The following UST variants were observed in gnomAD, a reference collection of about 807,000 sequenced individuals.
The protein encoded by UST is chondroitin sulfate 2-O-sulfotransferase.
In UST, 21 loss-of-function variants were observed where a neutral mutation model predicts 45.6. That is an observed-to-expected ratio of 0.46 (90% CI 0.33 to 0.66). The LOEUF is 0.66. Among genes scored for constraint, UST ranks in the 30% least tolerant of loss-of-function variants. UST has a pLI of 0.02. For synonymous variants in UST, 215 were observed against 200.6 expected, an observed-to-expected ratio of 1.07 and a Z score of -0.61; for missense variants, 463 against 512.4, an observed-to-expected ratio of 0.90 and a Z score of 0.93.
intron 5 of UST, among the ~76,000 whole-genome samples, chr6:149,009,992 A>G (rs1455053930): frequency 6.6e-6 from 1 of 151,460 alleles, no homozygotes; most frequent in Non-Finnish European, 1.5e-5. Flanking sequence ...TTTTCTTCCC[A>G]TCTATCTTTA....
At chr6:148,754,772 T>G (rs548537149) in intron 1 of UST, among the ~76,000 whole-genome samples, 3 of 152,344 alleles carry the variant, frequency 2.0e-5, no homozygotes, top group South Asian at 2.1e-4. Context: ...GGTGTTCACC[T>G]TATCAAGGAG....
intron 7 of UST, among the ~76,000 whole-genome samples, chr6:149,043,348 C>T (rs1477804322): frequency 6.6e-6 from 1 of 152,132 alleles, no homozygotes; most frequent in Non-Finnish European, 1.5e-5. Flanking sequence ...TGGGTTCAAG[C>T]ATTCCACCCA....
intron 7 of UST, among the ~76,000 whole-genome samples, chr6:149,043,027 TTC>T (rs756167002): frequency 0.011 from 1,382 of 120,600 alleles, 7 homozygotes; most frequent in African/African-American, 0.03. Context: ...TTCTTTTTCT[TTC>T]TTTCTTTCTT....
intron 1 of UST, among the ~76,000 whole-genome samples, chr6:148,877,410 TGCGGGG>T (rs1387570034): frequency 1.4e-3 from 22 of 15,442 alleles, no homozygotes; most frequent in African/African-American, 7.9e-3. Flanking sequence ...CGTGTATGAG[TGCGGGG>T]GTCGTGTATG....
intron 1 of UST, among the ~76,000 whole-genome samples, chr6:148,777,017 G>C (rs1160549238): frequency 1.3e-5 from 2 of 152,178 alleles, no homozygotes; most frequent in Admixed American, 1.3e-4. Context: ...ATTCTAACAG[G>C]CAGTAAATTC....
intron 1 of UST, among the ~76,000 whole-genome samples, chr6:148,792,840 CT>C (rs1776877085): frequency 6.6e-6 from 1 of 152,186 alleles, no homozygotes; most frequent in Admixed American, 6.5e-5. Context: ...GCAAAACTTC[CT>C]CCTGGGGATA....
intron 1 of UST, among the ~76,000 whole-genome samples, chr6:148,864,485 A>C (rs1374814924): frequency 1.3e-5 from 2 of 152,196 alleles, no homozygotes; most frequent in East Asian, 3.8e-4. Flanking sequence ...GCTTCGGCTC[A>C]TGCTCCATGG....
intron 5 of UST, chr6:149,005,613 C>T: frequency 2.0e-6 from 2 of 985,140 alleles, no homozygotes; most frequent in Non-Finnish European, 2.4e-6. Context: ...CTTCTTCTCT[C>T]CCTCCCTCTC....
intron 5 of UST, among the ~76,000 whole-genome samples, chr6:149,010,909 A>AAAAAAAAAAAC (rs1775797841): frequency 6.7e-6 from 1 of 149,122 alleles, no homozygotes; most frequent in Admixed American, 6.7e-5. Context: ...AAAAAAAAAA[A>AAAAAAAAAAAC]AAAAAAAAAA....
intron 1 of UST, among the ~76,000 whole-genome samples, chr6:148,855,304 G>T (rs1332948520): frequency 6.6e-6 from 1 of 152,156 alleles, no homozygotes; most frequent in Non-Finnish European, 1.5e-5. Flanking sequence ...TACTTGCCTC[G>T]CCGGGGATTT....
intron 1 of UST, among the ~76,000 whole-genome samples, chr6:148,754,276 A>G (rs549518259): frequency 4.5e-4 from 69 of 152,250 alleles, no homozygotes; most frequent in Admixed American, 1.3e-3. Flanking sequence ...GATTACAGGC[A>G]TGAGCCACCG....
intron 1 of UST, among the ~76,000 whole-genome samples, chr6:148,825,634 G>A (rs545340285): frequency 1.2e-4 from 18 of 152,114 alleles, no homozygotes; most frequent in Non-Finnish European, 2.2e-4. Context: ...ATCTTTCCAC[G>A]GATCTGCTGG....
chr6:148,919,055 T>C (rs1252116588), intron 2 of UST, among the ~76,000 whole-genome samples: 2 of 152,198 alleles, frequency 1.3e-5, no homozygotes, highest in African/African-American at 4.8e-5. Context: ...ACTATAGTAC[T>C]CTGATTTCCT....
rs1286017720 is a variant in UST at position 148,964,703 on chromosome 6, G to A, written c.681+140G>A. 15 of 1,077,560 alleles carry A rather than the reference G, an allele frequency of 1.4e-5. No individual in the cohort carries two copies. In the East Asian group the frequency reaches 3.9e-4, roughly 28 times the overall value. 66.7% of individuals were successfully genotyped at this position (1,077,560 alleles called of 1,614,324 possible). A position where few individuals can be genotyped will look rare whatever the true frequency, so the allele number is the denominator to read the frequency against. On this transcript the variant is annotated intron_variant, in intron 5 of 7. Transcript: ENST00000367463. ...GTGGCGCAGAGAGGGTGCTTCCGCAGGAAGGAGGTCTTGGCGAGAGAAACT... is the reference window on the plus strand; with the variant it reads ...GTGGCGCAGAGAGGGTGCTTCCGCAAGAAGGAGGTCTTGGCGAGAGAAACT...
intron 1 of UST, among the ~76,000 whole-genome samples, chr6:148,816,004 C>T (rs2114736683): frequency 6.6e-6 from 1 of 152,168 alleles, no homozygotes; most frequent in East Asian, 1.9e-4. Flanking sequence ...TGATGTGTTT[C>T]ATGCCAAAGC....
rs145205957 is a variant in UST, at chr6:149,015,777, G to A, written c.682-3362G>A. 2.7e-4 allele frequency among the ~76,000 whole-genome samples: 41 copies of A among 152,304 alleles called. No individual in the cohort carries two copies. In the East Asian group the frequency reaches 6.9e-3, roughly 26 times the overall value. ...GCAGGATAATAAATCTTAGACCAAA[G>A]ATAAATCATGAACACCAGGGCAACC... On this transcript the variant is annotated intron_variant, in intron 5 of 7. Coordinates refer to ENST00000367463, the MANE Select transcript of UST (RefSeq NM_005715.3).
intron 1 of UST, among the ~76,000 whole-genome samples, chr6:148,826,463 G>A (rs1316828128): frequency 6.6e-6 from 1 of 151,800 alleles, no homozygotes; most frequent in Non-Finnish European, 1.5e-5. Flanking sequence ...AACTACATAG[G>A]TTATAGAATA....
intron 1 of UST, among the ~76,000 whole-genome samples, chr6:148,771,894 A>C (rs1420308434): frequency 6.6e-6 from 1 of 152,206 alleles, no homozygotes; most frequent in East Asian, 1.9e-4. Context: ...TAAGGTGCAC[A>C]CTAGCTCATT....
intron 3 of UST, among the ~76,000 whole-genome samples, chr6:148,942,214 C>T (rs1046967561): frequency 2.0e-5 from 3 of 152,046 alleles, no homozygotes; most frequent in Non-Finnish European, 4.4e-5. Flanking sequence ...TGAGCAGCCA[C>T]CCAATGAGTG....
Sources: gnomAD v4.1 joint callset for allele counts (sites outside exome capture counted in the v4.1 genomes callset) on GRCh38, gnomAD v4.1.1 for gene constraint, MANE v1.5 for transcripts, NCBI Gene and HGNC (gene_info 2026-07-23, HGNC 2026-07-21) for gene names.